RANBP10: variants seen among roughly 807,000 people sequenced by gnomAD.
The protein encoded by RANBP10 is RAN binding protein 10.
Under a neutral mutation model 72.8 loss-of-function variants are expected in RANBP10, and 24 were observed. The observed-to-expected ratio is 0.33, with a 90% CI of 0.24 to 0.46. The LOEUF is 0.46. Among genes scored for constraint, RANBP10 ranks in the 20% least tolerant of loss-of-function variants. The probability of loss-of-function intolerance (pLI) is 1.00; values close to 1 mark genes in which losing one functional copy is unlikely to be tolerated. For missense variants in RANBP10, 679 were observed against 817.5 expected, an observed-to-expected ratio of 0.83 and a Z score of 2.07; for synonymous variants, 310 against 322.3, an observed-to-expected ratio of 0.96 and a Z score of 0.41.
chr16:67,789,677 G>T (rs2054987789), intron 2 of RANBP10, among the ~76,000 whole-genome samples: 1 of 151,612 alleles, frequency 6.6e-6, no homozygotes, highest in South Asian at 2.1e-4. Flanking sequence ...CACCATGTTG[G>T]TCAGGCTGGT....
intron 2 of RANBP10, among the ~76,000 whole-genome samples, chr16:67,798,507 T>A (rs1427222239): frequency 2.6e-5 from 4 of 152,184 alleles, no homozygotes; most frequent in African/African-American, 9.6e-5. Context: ...AAAATCACTT[T>A]GGCTGATTCT....
At chr16:67,738,798 G>A (rs1274461949) in intron 4 of RANBP10, 1 of 152,072 alleles carries the variant, frequency 6.6e-6, no homozygotes, top group African/African-American at 2.4e-5. Flanking sequence ...CTTCACTGGC[G>A]GCCTGGCCAG....
rs2054389799 is a variant in RANBP10 at position 67,761,215 on chromosome 16, T to C, written c.400+10819A>G. ...ATCTTCCAGCAGAAACCTCTGACCA[T>C]GCAAACTAAGACATGCCCATAGGCT... On this transcript the variant is annotated intron_variant, in intron 3 of 13. Coordinates refer to ENST00000317506, the MANE Select transcript of RANBP10 (RefSeq NM_020850.3). Among the ~76,000 whole-genome samples the C allele has an allele frequency of 3.9e-5, 6 of 152,226 alleles. No individual in the cohort carries two copies. In the South Asian group the frequency reaches 1.0e-3, roughly 26 times the overall value.
intron 2 of RANBP10, among the ~76,000 whole-genome samples, chr16:67,784,278 T>C (rs940125023): frequency 1.3e-5 from 2 of 152,146 alleles, no homozygotes; most frequent in Non-Finnish European, 2.9e-5. Context: ...TTCCAGTATT[T>C]TGGGAGCCCA....
intron 3 of RANBP10, among the ~76,000 whole-genome samples, chr16:67,752,983 T>C (rs1428073074): frequency 1.3e-5 from 2 of 152,084 alleles, no homozygotes; most frequent in Non-Finnish European, 2.9e-5. Context: ...CTCATGCCTA[T>C]AATCCCAGCA....
chr16:67,802,067 C>G (rs1277886980), intron 2 of RANBP10, among the ~76,000 whole-genome samples: 1 of 150,790 alleles, frequency 6.6e-6, no homozygotes, highest in Non-Finnish European at 1.5e-5. Flanking sequence ...TGCACTCCAG[C>G]CTGAGCAACA....
chr16:67,758,249 A>G (rs544145901), intron 3 of RANBP10, among the ~76,000 whole-genome samples: 62 of 152,326 alleles, frequency 4.1e-4, no homozygotes, highest in African/African-American at 1.2e-3. Flanking sequence ...TTGTCCCGAC[A>G]GGACAAGCTG....
At position 67,727,798 on chromosome 16, in the gene RANBP10, A is replaced by G; in HGVS notation, c.1573T>C (p.Leu525=). The G allele has an allele frequency of 6.2e-7, 1 of 1,614,140 alleles. No homozygotes were observed. Among genetic ancestry groups the G allele is most frequent in the Non-Finnish European group, 8.5e-7 (1 of 1,180,044 alleles). Residue 525 remains leucine (L), a synonymous_variant, in exon 12 of 14, where the codon TTG becomes CTG. Coordinates refer to ENST00000317506, the MANE Select transcript of RANBP10 (RefSeq NM_020850.3). ...GRELQALSEQ[L]GREYGKNLAH... ...AAATTCTTGCCGTACTCCCGGCCCA[A>G]CTGCTCACTCAATGCCTGCAACTCG...
intron 2 of RANBP10, among the ~76,000 whole-genome samples, chr16:67,772,391 G>T (rs1007870167): frequency 6.6e-6 from 1 of 152,134 alleles, no homozygotes; most frequent in African/African-American, 2.4e-5. Context: ...TGGCATTCTG[G>T]CTGTAGCTAA....
chr16:67,740,966 C>T (rs758176084), intron 4 of RANBP10, among the ~76,000 whole-genome samples: 5 of 152,136 alleles, frequency 3.3e-5, no homozygotes, highest in African/African-American at 9.7e-5. Context: ...TGGATCTCAG[C>T]ATGGCCAGGA....
At chr16:67,732,407 G>GA (rs1314638550) in intron 6 of RANBP10, among the ~76,000 whole-genome samples, 1 of 152,152 alleles carries the variant, frequency 6.6e-6, no homozygotes, top group East Asian at 1.9e-4. Flanking sequence ...GTACAGGAGT[G>GA]AATACCTTGG....
At position 67,744,439 on chromosome 16, in the gene RANBP10, G is replaced by C; in HGVS notation, c.417C>G (p.Ser139=). 6.2e-7 allele frequency: 1 copy of C among 1,613,736 alleles called. No homozygotes were observed. The highest frequency in any genetic ancestry group is 8.5e-7 in the Non-Finnish European group (1 of 1,179,800). Residue 139 remains serine, a synonymous_variant, in exon 4 of 14, where the codon TCC becomes TCG. Transcript: ENST00000317506. ...GCCCATCATCACCATGGTAACCATA[G>C]GAATGTTTGTCCCAACCTGTGGGGG... is the stretch of plus-strand genomic sequence containing the variant. ...MNRLPGWDKH[S]YGYHGDDGHS... is the part of the protein sequence containing the mutation.
chr16:67,783,779 C>T (rs928114322), intron 2 of RANBP10, among the ~76,000 whole-genome samples: 2 of 152,154 alleles, frequency 1.3e-5, no homozygotes, highest in Non-Finnish European at 2.9e-5. Flanking sequence ...TGCGGTGGCT[C>T]ACGCCTATAA....
chr16:67,801,937 A>G (rs1316194415), intron 2 of RANBP10, among the ~76,000 whole-genome samples: 1 of 152,052 alleles, frequency 6.6e-6, no homozygotes. Context: ...TCTACAAAAA[A>G]TAAGAAAATG....
chr16:67,745,923 G>A (rs907369031), intron 3 of RANBP10, among the ~76,000 whole-genome samples: 15 of 152,008 alleles, frequency 9.9e-5, no homozygotes, highest in Non-Finnish European at 1.9e-4. Flanking sequence ...TTGGGAGGCC[G>A]CAGTGGGTGG....
At chr16:67,741,573 T>C (rs1410804957) in intron 4 of RANBP10, among the ~76,000 whole-genome samples, 3 of 152,224 alleles carry the variant, frequency 2.0e-5, no homozygotes, top group Non-Finnish European at 1.5e-5. Context: ...CACAGAGTTG[T>C]GTGGAAATGA....
At chr16:67,750,852 C>T (rs1327500318) in intron 3 of RANBP10, among the ~76,000 whole-genome samples, 4 of 151,006 alleles carry the variant, frequency 2.6e-5, no homozygotes, top group African/African-American at 7.3e-5. Flanking sequence ...CTGCAAGCTC[C>T]GCCTCCCAGG....
intron 3 of RANBP10, among the ~76,000 whole-genome samples, chr16:67,745,774 C>T (rs1466620147): frequency 1.3e-5 from 2 of 152,084 alleles, no homozygotes. Flanking sequence ...AATCCTAACA[C>T]TTTGGGAGGC....
At chr16:67,774,741 C>T (rs957069242) in intron 2 of RANBP10, among the ~76,000 whole-genome samples, 3 of 152,140 alleles carry the variant, frequency 2.0e-5, no homozygotes, top group Non-Finnish European at 2.9e-5. Context: ...GAATAAGCCC[C>T]CACTCTTCAA....
Sources: gnomAD v4.1 joint callset for allele counts (sites outside exome capture counted in the v4.1 genomes callset) on GRCh38, gnomAD v4.1.1 for gene constraint, MANE v1.5 for transcripts, NCBI Gene and HGNC (gene_info 2026-07-23, HGNC 2026-07-21) for gene names.